RNF17: variants seen among roughly 807,000 people sequenced by gnomAD.
RNF17 encodes the protein ring finger protein 17, also known as spermatogenesis associated 23.
A neutral mutation model predicts 200.5 loss-of-function variants in RNF17; 31 were observed. That is an observed-to-expected ratio of 0.15 (90% CI 0.12 to 0.21). The LOEUF is 0.21. Among genes scored for constraint, RNF17 ranks in the 10% least tolerant of loss-of-function variants. The probability of loss-of-function intolerance (pLI) is 1.00; values close to 1 mark genes in which losing one functional copy is unlikely to be tolerated. For missense variants in RNF17, 1,628 were observed against 1,905.1 expected, an observed-to-expected ratio of 0.85 and a Z score of 2.71; for synonymous variants, 606 against 637.8, an observed-to-expected ratio of 0.95 and a Z score of 0.75.
intron 22 of RNF17, among the ~76,000 whole-genome samples, chr13:24,846,014 G>A (rs1334442566): frequency 6.6e-6 from 1 of 152,160 alleles, no homozygotes; most frequent in Non-Finnish European, 1.5e-5. Context: ...CATCACTTGA[G>A]GCCAGGAGTT....
intron 32 of RNF17, among the ~76,000 whole-genome samples, chr13:24,872,840 C>T (rs914226741): frequency 1.7e-5 from 2 of 117,504 alleles, no homozygotes; most frequent in Non-Finnish European, 3.7e-5. Flanking sequence ...TGATAAACAT[C>T]ATAAAAAGAA....
chr13:24,822,272 C>T (rs750145229), intron 15 of RNF17, among the ~76,000 whole-genome samples: 18 of 152,050 alleles, frequency 1.2e-4, no homozygotes, highest in Non-Finnish European at 1.3e-4. Flanking sequence ...ACAGGATTGG[C>T]GCAACTGCCG....
chr13:24,840,062 A>G (rs774788995), intron 18 of RNF17, among the ~76,000 whole-genome samples: 2 of 152,220 alleles, frequency 1.3e-5, no homozygotes, highest in Middle Eastern at 3.2e-3. Flanking sequence ...AAAGTGGGCT[A>G]AGGACATGGA....
intron 9 of RNF17, among the ~76,000 whole-genome samples, chr13:24,792,414 TA>T (rs141212526): frequency 2.0e-5 from 3 of 148,028 alleles, no homozygotes; most frequent in Non-Finnish European, 4.5e-5. Flanking sequence ...GGGTAATCTG[TA>T]AAAAAAAAAC....
In RNF17 at chr13:24,850,274, G is replaced by GT. The variant is rs1891730062; in HGVS notation, c.3102-61dup. 2.3e-5 allele frequency: 23 copies of GT among 999,942 alleles called. No individual in the cohort carries two copies. In the South Asian group the frequency reaches 3.0e-4, roughly 13 times the overall value. The allele number at this position is 999,942 out of a possible 1,614,324, so 61.9% of individuals were successfully genotyped here. A position where few individuals can be genotyped will look rare whatever the true frequency, so the allele number is the denominator to read the frequency against. ...GAGTGTATCTGTGTGTAAATATAGT[G>GT]TTTTTTGTATATTTCAATATTGTAT... On this transcript the variant is annotated intron_variant, in intron 22 of 35. Coordinates refer to ENST00000255324, the MANE Select transcript of RNF17 (RefSeq NM_031277.3).
chr13:24,807,822 G>T (rs1436510961), intron 15 of RNF17, among the ~76,000 whole-genome samples: 1 of 151,498 alleles, frequency 6.6e-6, no homozygotes, highest in African/African-American at 2.4e-5. Context: ...TGATTTTTGT[G>T]TAAGGTGTAA....
At position 24,822,758 on chromosome 13, in the gene RNF17, G is replaced by A. The variant is rs542560183; in HGVS notation, c.2092-2861G>A. ...TTTAACTCCTGTGTCAATATGAAAC[G>A]AAACCTAAAGGGTCGTGAATATAAA... On this transcript the variant is annotated intron_variant, in intron 15 of 35. Transcript: ENST00000255324. Among the ~76,000 whole-genome samples the A allele has an allele frequency of 5.3e-5, 8 of 152,104 alleles. No individual in the cohort carries two copies. The South Asian group carries it at 1.2e-3, about 24-fold the overall frequency.
intron 15 of RNF17, among the ~76,000 whole-genome samples, chr13:24,819,458 A>G (rs1454823681): frequency 6.6e-6 from 1 of 152,208 alleles, no homozygotes; most frequent in Non-Finnish European, 1.5e-5. Context: ...GTCTGCTGTA[A>G]TGAACATGGA....
chr13:24,853,133 C>T (rs1385024871), intron 24 of RNF17, among the ~76,000 whole-genome samples: 1 of 152,134 alleles, frequency 6.6e-6, no homozygotes, highest in Non-Finnish European at 1.5e-5. Context: ...AGGCTGATCT[C>T]GAACTCCTGA....
chr13:24,861,704 A>G (rs980963424), intron 27 of RNF17, among the ~76,000 whole-genome samples: 2 of 152,222 alleles, frequency 1.3e-5, no homozygotes, highest in Non-Finnish European at 2.9e-5. Flanking sequence ...AGAGTGTCTT[A>G]TTCTGTATTG....
At position 24,767,377 on chromosome 13, in the gene RNF17, T is replaced by C. The variant is rs1488962556; in HGVS notation, c.225+11T>C. ...TGCCCTGATTGTGAGGTAAGTGTTATAATTTTTCAGATGAAACATATCACA... is the reference window on the plus strand; with the variant it reads ...TGCCCTGATTGTGAGGTAAGTGTTACAATTTTTCAGATGAAACATATCACA... On this transcript the variant is annotated intron_variant, in intron 2 of 35. Coordinates refer to ENST00000255324, the MANE Select transcript of RNF17 (RefSeq NM_031277.3). The C allele has an allele frequency of 2.6e-6, 4 of 1,521,966 alleles. No homozygotes were observed. The highest frequency in any genetic ancestry group is 3.6e-6 in the Non-Finnish European group (4 of 1,097,372). The allele number at this position is 1,521,966 out of a possible 1,614,324, so 94.3% of individuals were successfully genotyped here.
intron 15 of RNF17, among the ~76,000 whole-genome samples, chr13:24,805,592 T>C (rs1885749261): frequency 6.6e-6 from 1 of 152,258 alleles, no homozygotes; most frequent in African/African-American, 2.4e-5. Context: ...TGTTTATCCA[T>C]TCATCTATTG....
Position 24,796,156 on chromosome 13 carries a change from T to C in RNF17, c.1260T>C (p.Phe420=), listed in dbSNP as rs1253128540. ...ATCCAGGTTCTGCAGAGCTAGTTTTTGTAAGCCATGTAATAGATCCTTGCC... is the reference window on the plus strand; with the variant it reads ...ATCCAGGTTCTGCAGAGCTAGTTTTCGTAAGCCATGTAATAGATCCTTGCC... ...DNVESSAELV[F]VSHVIDPCHF... Residue 420 remains phenylalanine, a synonymous_variant, in exon 11 of 36, where the codon TTT becomes TTC. Transcript: ENST00000255324. 3.7e-6 allele frequency: 6 copies of C among 1,608,316 alleles called. No homozygotes were observed. Among genetic ancestry groups the C allele is most frequent in the African/African-American group, 1.3e-5 (1 of 74,786 alleles).
the RNF17 span, among the ~76,000 whole-genome samples, chr13:24,754,685 T>A: frequency 6.6e-6 from 1 of 151,940 alleles, no homozygotes; most frequent in Non-Finnish European, 1.5e-5. Flanking sequence ...GAGACCAGGG[T>A]TTGAGACTAG....
At chr13:24,882,684 A>G (rs1356630084), downstream of RNF17, 3 of 157,184 alleles carry the variant, frequency 1.9e-5, no homozygotes, top group Non-Finnish European at 4.2e-5. Flanking sequence ...GTAACTTCCC[A>G]TTCTGTTATA....
the RNF17 span, chr13:24,885,650 T>C: frequency 6.2e-7 from 1 of 1,612,966 alleles, no homozygotes; most frequent in African/African-American, 1.3e-5. Context: ...GGTGCAGACT[T>C]GGATCTTCGA....
chr13:24,793,451 T>C (rs1304990988), intron 10 of RNF17, 105 bp downstream of exon 10: 8 of 1,038,884 alleles, frequency 7.7e-6, no homozygotes, highest in African/African-American at 1.6e-5. Context: ...ATTGCTGTTA[T>C]AATCTTATTC....
intron 15 of RNF17, among the ~76,000 whole-genome samples, chr13:24,818,810 T>C (rs1457607956): frequency 6.6e-6 from 1 of 152,050 alleles, no homozygotes; most frequent in Non-Finnish European, 1.5e-5. Flanking sequence ...CAGCATATAG[T>C]TGGATCATGT....
rs763128120 is a variant in RNF17, at chr13:24,802,552, G to C, written c.1930G>C (p.Val644Leu). ...GCCTGTGTCTCTTAGAGATGCGCTAGTTTTTATGGAACTAGCAAAGTAAGT... is the reference window on the plus strand; with the variant it reads ...GCCTGTGTCTCTTAGAGATGCGCTACTTTTTATGGAACTAGCAAAGTAAGT... ...DMPVSLRDAL[V>L]FMELAKFKSQ... Residue 644 changes from valine to leucine, a missense_variant, in exon 14 of 36, where the codon GTT becomes CTT. Physicochemically the swap from Val to Leu is conservative, Grantham distance 32. This residue lies in a region of RNF17 where 289 missense variants were observed against 384.9 expected (regional missense o/e 0.75). Transcript: ENST00000255324. The C allele has an allele frequency of 6.2e-7, 1 of 1,606,580 alleles. No homozygotes were observed. The highest frequency in any genetic ancestry group is 1.1e-5 in the South Asian group (1 of 88,796).
Sources: gnomAD v4.1 joint callset for allele counts (sites outside exome capture counted in the v4.1 genomes callset) on GRCh38, gnomAD v4.1.1 for gene constraint, gnomAD v4.1.1 regional missense constraint, MANE v1.5 for transcripts, NCBI Gene and HGNC (gene_info 2026-07-23, HGNC 2026-07-21) for gene names.